The following LRMDA variants were observed in gnomAD, a reference collection of about 807,000 sequenced individuals.
The protein encoded by LRMDA is leucine-rich melanocyte differentiation-associated protein.
A neutral mutation model predicts 29.8 loss-of-function variants in LRMDA; 18 were observed. That is an observed-to-expected ratio of 0.60 (90% CI 0.42 to 0.90). The LOEUF (loss-of-function observed/expected upper bound fraction) is 0.90. Among genes scored for constraint, LRMDA ranks in the 40% least tolerant of loss-of-function variants. The pLI is 0.00. For missense variants in LRMDA, 273 were observed against 273.9 expected (o/e 1.00, Z 0.02); for synonymous variants, 125 against 109.4 (o/e 1.14, Z -0.89).
At chr10:76,359,165 CAG>C (rs1471199337) in intron 6 of LRMDA, among the ~76,000 whole-genome samples, 1 of 152,292 alleles carries the variant, frequency 6.6e-6, no homozygotes, top group East Asian at 1.9e-4. Flanking sequence ...TATCCAAAGG[CAG>C]AGAACATTGG....
At chr10:75,525,592 C>CTTTTTTTTTTTTTTTTTTTTTTTTTTTTT (rs11415547) in intron 2 of LRMDA, among the ~76,000 whole-genome samples, 1 of 129,718 alleles carries the variant, frequency 7.7e-6, no homozygotes, top group Non-Finnish European at 1.6e-5. Flanking sequence ...TTCTTTCTTT[C>CTTTTTTTTTTTTTTTTTTTTTTTTTTTTT]TTTTTTTTTT....
intron 5 of LRMDA, among the ~76,000 whole-genome samples, chr10:76,317,470 A>G (rs529034493): frequency 1.3e-5 from 2 of 152,322 alleles, no homozygotes; most frequent in African/African-American, 4.8e-5. Flanking sequence ...GCCATTGTAT[A>G]TGAGTAGTGT....
At chr10:76,269,849 C>T (rs1246929008) in intron 5 of LRMDA, among the ~76,000 whole-genome samples, 1 of 152,212 alleles carries the variant, frequency 6.6e-6, no homozygotes, top group Non-Finnish European at 1.5e-5. Flanking sequence ...CTCAAGATTA[C>T]ATAGCTAGTA....
intron 2 of LRMDA, among the ~76,000 whole-genome samples, chr10:75,942,499 G>A (rs1225084801): frequency 1.3e-5 from 2 of 152,108 alleles, no homozygotes; most frequent in Admixed American, 6.6e-5. Context: ...TGATGGGCTC[G>A]GTAGTTAACC....
chr10:75,783,091 G>C (rs1843413554), intron 2 of LRMDA: 4 of 1,573,978 alleles, frequency 2.5e-6, no homozygotes, highest in Admixed American at 1.7e-5. Context: ...AAATAGCAAT[G>C]ATGAAGGCTG....
At chr10:76,465,987 A>G (rs1366491249) in intron 6 of LRMDA, among the ~76,000 whole-genome samples, 2 of 152,186 alleles carry the variant, frequency 1.3e-5, no homozygotes, top group Admixed American at 1.3e-4. Flanking sequence ...ACTATCTCCA[A>G]TCATCAGTCA....
chr10:76,226,794 G>A (rs1414195758), intron 5 of LRMDA, among the ~76,000 whole-genome samples: 1 of 152,134 alleles, frequency 6.6e-6, no homozygotes, highest in African/African-American at 2.4e-5. Flanking sequence ...GAATCAGCCT[G>A]AAGCCCTCAC....
Position 76,135,629 on chromosome 10 carries a change from G to A in LRMDA, c.516+76846G>A, listed in dbSNP as rs1322969440. Among the ~76,000 whole-genome samples, 4 of 150,044 alleles carry A rather than the reference G, an allele frequency of 2.7e-5. No homozygotes were observed. The East Asian group carries it at 5.8e-4, about 22-fold the overall frequency. Reference sequence around the variant, plus strand: ...CTGCAAGGGTTGGTTCCTTCTGAGCGCTGTGAGGGAGAATCTATTCCATTC... The same window carrying A: ...CTGCAAGGGTTGGTTCCTTCTGAGCACTGTGAGGGAGAATCTATTCCATTC... On this transcript the variant is annotated intron_variant, in intron 5 of 6. Transcript: ENST00000611255.
chr10:75,460,265 T>A (rs968609542), intron 2 of LRMDA, among the ~76,000 whole-genome samples: 1 of 152,238 alleles, frequency 6.6e-6, no homozygotes, highest in African/African-American at 2.4e-5. Context: ...TATACCAGTA[T>A]CTTCTAGTGT....
intron 5 of LRMDA, among the ~76,000 whole-genome samples, chr10:76,111,299 C>T (rs1288674858): frequency 6.6e-6 from 1 of 152,218 alleles, no homozygotes; most frequent in Non-Finnish European, 1.5e-5. Context: ...GGACAGGGAC[C>T]GTATCTTTTT....
chr10:75,743,115 C>T (rs1255859526), intron 2 of LRMDA, among the ~76,000 whole-genome samples: 2 of 151,176 alleles, frequency 1.3e-5, no homozygotes, highest in Non-Finnish European at 2.9e-5. Flanking sequence ...CACAAGGGAG[C>T]GAGGGAGCTG....
At chr10:75,900,619 C>T (rs1845654557) in intron 2 of LRMDA, among the ~76,000 whole-genome samples, 1 of 152,160 alleles carries the variant, frequency 6.6e-6, no homozygotes, top group Non-Finnish European at 1.5e-5. Context: ...CCAGCCCCCG[C>T]AGCATGCCCC....
intron 6 of LRMDA, among the ~76,000 whole-genome samples, chr10:76,351,614 G>A (rs775546845): frequency 2.6e-5 from 4 of 151,424 alleles, no homozygotes; most frequent in Non-Finnish European, 5.9e-5. Context: ...CCAATGTTAT[G>A]CACCCACCCC....
At chr10:76,286,473 G>A (rs866478008) in intron 5 of LRMDA, among the ~76,000 whole-genome samples, 4 of 152,164 alleles carry the variant, frequency 2.6e-5, no homozygotes, top group South Asian at 4.1e-4. Context: ...CAAGAGGTAC[G>A]AATATTTTGT....
At chr10:75,910,903 G>A (rs72811483) in intron 2 of LRMDA, among the ~76,000 whole-genome samples, 7,661 of 152,220 alleles carry the variant, frequency 0.05, 312 homozygotes, top group South Asian at 0.1. Context: ...TGCGAGACAG[G>A]GTGCAGGATT....
chr10:76,108,169 G>A (rs1849518593), intron 5 of LRMDA, among the ~76,000 whole-genome samples: 1 of 152,134 alleles, frequency 6.6e-6, no homozygotes, highest in Admixed American at 6.5e-5. Flanking sequence ...CTAGAGCCTG[G>A]GAATAAAGAG....
At chr10:75,517,013 TGTGTG>T (rs1845298023) in intron 2 of LRMDA, among the ~76,000 whole-genome samples, 1 of 152,138 alleles carries the variant, frequency 6.6e-6, no homozygotes, top group Admixed American at 6.5e-5. Flanking sequence ...TGGTTGTAGT[TGTGTG>T]GTGTTATTTC....
intron 5 of LRMDA, among the ~76,000 whole-genome samples, chr10:76,269,395 G>A (rs1006057113): frequency 2.0e-5 from 3 of 152,094 alleles, no homozygotes; most frequent in African/African-American, 7.2e-5. Context: ...TATTTATAAA[G>A]GCCACTCATG....
rs1852615302 is a variant in LRMDA, at chr10:76,257,360, TCTCA to T, written c.517-67037_517-67034del. ...TCTTTTTTTTTTTTTTGAGACAAAG[TCTCA>T]CTCTTGTTGCCCAGGCTGGAGTGCA... On this transcript the variant is annotated intron_variant, in intron 5 of 6. Transcript: ENST00000611255. Among the ~76,000 whole-genome samples, 8 of 144,554 alleles carry T rather than the reference TCTCA, an allele frequency of 5.5e-5. No individual in the cohort carries two copies. In the South Asian group the frequency reaches 1.5e-3, roughly 28 times the overall value. The allele number at this position is 144,554 out of a possible 152,430, so 94.8% of individuals were successfully genotyped here. A position where few individuals can be genotyped will look rare whatever the true frequency, so the allele number is the denominator to read the frequency against.
Sources: gnomAD v4.1 joint callset for allele counts (sites outside exome capture counted in the v4.1 genomes callset) on GRCh38, gnomAD v4.1.1 for gene constraint, MANE v1.5 for transcripts, NCBI Gene and HGNC (gene_info 2026-07-23, HGNC 2026-07-21) for gene names.